KIF26B: variants seen among roughly 807,000 people sequenced by gnomAD.
KIF26B encodes kinesin-like protein KIF26B.
Under a neutral mutation model 151.2 loss-of-function variants are expected in KIF26B, and 63 were observed. The observed-to-expected ratio is 0.42, with a 90% CI of 0.34 to 0.51. The LOEUF (loss-of-function observed/expected upper bound fraction) is 0.51, where lower values mean the gene tolerates loss of function less well. Among genes scored for constraint, KIF26B ranks in the 20% least tolerant of loss-of-function variants. The probability of loss-of-function intolerance (pLI) is 0.07; values close to 1 mark genes in which losing one functional copy is unlikely to be tolerated. For missense variants in KIF26B, 2,813 were observed against 2,913.6 expected, an observed-to-expected ratio of 0.97 and a Z score of 0.79; for synonymous variants, 1,357 against 1,262.1, an observed-to-expected ratio of 1.08 and a Z score of -1.59.
At chr1:245,320,651 T>A (rs1346599764) in intron 2 of KIF26B, among the ~76,000 whole-genome samples, 1 of 151,994 alleles carries the variant, frequency 6.6e-6, no homozygotes, top group Non-Finnish European at 1.5e-5. Flanking sequence ...CTAACTGGTT[T>A]TTTTTGTTGT....
At chr1:245,532,393 C>G (rs1298370842) in intron 4 of KIF26B, among the ~76,000 whole-genome samples, 3 of 151,566 alleles carry the variant, frequency 2.0e-5, no homozygotes, top group Admixed American at 6.6e-5. Context: ...CTACAGGCGC[C>G]CGCCACCATG....
chr1:245,623,436 C>G (rs2043687202), intron 9 of KIF26B, among the ~76,000 whole-genome samples: 1 of 152,132 alleles, frequency 6.6e-6, no homozygotes, highest in Non-Finnish European at 1.5e-5. Context: ...ATTTATATTT[C>G]TGCATAATAG....
chr1:245,540,752 C>G lies in KIF26B; in HGVS notation c.1167-15C>G, dbSNP rs746584406. On this transcript the variant is annotated splice_polypyrimidine_tract_variant and intron_variant, in intron 4 of 14. Transcript: ENST00000407071. This position sits in a 1 kb window ranked among gnomAD's most constrained non-coding sequence, Gnocchi z 4.6. ...TACAATCATTTTCCCCTTATTGTTC[C>G]TTTTTCCACTCCAGAGCTGCCCAGA... The G allele has an allele frequency of 6.2e-7, 1 of 1,611,638 alleles. No individual in the cohort carries two copies. The highest frequency in any genetic ancestry group is 1.7e-5 in the Admixed American group (1 of 60,012).
chr1:245,405,837 T>G (rs1674123269), intron 3 of KIF26B, among the ~76,000 whole-genome samples: 1 of 152,162 alleles, frequency 6.6e-6, no homozygotes, highest in Non-Finnish European at 1.5e-5. Flanking sequence ...TTTCTGCAGT[T>G]GGCAAACAGA....
chr1:245,390,925 A>AC (rs1673671345), intron 3 of KIF26B, among the ~76,000 whole-genome samples: 1 of 108,550 alleles, frequency 9.2e-6, no homozygotes, highest in African/African-American at 3.1e-5. Context: ...CTGTCTCAAA[A>AC]AAAAAAAAAA....
intron 2 of KIF26B, among the ~76,000 whole-genome samples, chr1:245,344,948 C>T (rs1345142336): frequency 6.6e-6 from 1 of 152,040 alleles, no homozygotes; most frequent in African/African-American, 2.4e-5. Flanking sequence ...ATTCTATACC[C>T]CACCCGATGC....
rs768512086 is a variant in KIF26B at position 245,702,578 on chromosome 1, G to A, written c.6299G>A (p.Cys2100Tyr). The A allele has an allele frequency of 6.2e-7, 1 of 1,613,970 alleles. No individual in the cohort carries two copies. Among genetic ancestry groups the A allele is most frequent in the Non-Finnish European group, 8.5e-7 (1 of 1,179,886 alleles). ...AAGGCCCATCTCATGATGATCACCT[G>A]CTTCGACATCACCTCCAGGCGCCGG... ...FCKAHLMMIT[C>Y]FDITSRRR is the part of the protein sequence containing the mutation. Residue 2100 changes from cysteine to tyrosine, a missense_variant, in exon 15 of 15, where the codon TGC (cysteine) becomes TAC (tyrosine). Transcript: ENST00000407071. The surrounding 1 kb of genome is among the most constrained non-coding windows in gnomAD (Gnocchi z 4.1).
intron 2 of KIF26B, among the ~76,000 whole-genome samples, chr1:245,279,165 G>A (rs920840369): frequency 6.6e-6 from 1 of 152,128 alleles, no homozygotes; most frequent in Admixed American, 6.5e-5. Flanking sequence ...TAGTTTTGGA[G>A]CCATATGTGT....
In KIF26B at chr1:245,631,714, C is replaced by T. The variant is rs1480137270; in HGVS notation, c.2099-14407C>T. On this transcript the variant is annotated intron_variant, in intron 9 of 14. Coordinates refer to ENST00000407071, the MANE Select transcript of KIF26B (RefSeq NM_018012.4). ...TCTACTGAACTTTTAAAGTCCTGGG[C>T]TTTTCTTTGTTGGGGAACTTTTTAT... Among the ~76,000 whole-genome samples, 4 of 152,070 alleles carry T rather than the reference C, an allele frequency of 2.6e-5. No homozygotes were observed. The East Asian group carries it at 5.8e-4, about 22-fold the overall frequency.
At chr1:245,661,307 T>G (rs2044135040) in intron 10 of KIF26B, among the ~76,000 whole-genome samples, 1 of 150,268 alleles carries the variant, frequency 6.7e-6, no homozygotes, top group African/African-American at 2.5e-5. Context: ...TATTTTGTGA[T>G]CCGTGGGTTA....
chr1:245,648,429 G>T (rs2043977059), intron 10 of KIF26B, among the ~76,000 whole-genome samples: 1 of 152,042 alleles, frequency 6.6e-6, no homozygotes, highest in Non-Finnish European at 1.5e-5. Context: ...CGGGAGGATT[G>T]CTTGAGACCA....
In KIF26B at chr1:245,244,352, C is replaced by T. The variant is rs1670273719; in HGVS notation, c.465+87669C>T. Among the ~76,000 whole-genome samples the T allele has an allele frequency of 6.6e-6, 1 of 152,100 alleles. No homozygotes were observed. The highest frequency in any genetic ancestry group is 2.1e-4 in the South Asian group (1 of 4,826). Reference sequence around the variant, plus strand: ...AAGACAATCCAAGATACGTCAGAGTCTCTTCTTGGGAAATATGGAATGACG... The same window carrying T: ...AAGACAATCCAAGATACGTCAGAGTTTCTTCTTGGGAAATATGGAATGACG... On this transcript the variant is annotated intron_variant, in intron 2 of 14. Transcript: ENST00000407071. The surrounding 1 kb of genome is among the most constrained non-coding windows in gnomAD (Gnocchi z 4.2).
At chr1:245,456,650 T>A (rs924811439) in intron 4 of KIF26B, among the ~76,000 whole-genome samples, 2 of 152,212 alleles carry the variant, frequency 1.3e-5, no homozygotes, top group Non-Finnish European at 2.9e-5. Flanking sequence ...ATATTTGGGT[T>A]TTTCTTAGTG....
intron 2 of KIF26B, among the ~76,000 whole-genome samples, chr1:245,213,717 G>A (rs749003421): frequency 6.6e-6 from 1 of 152,202 alleles, no homozygotes; most frequent in African/African-American, 2.4e-5. Flanking sequence ...ATGCACACGT[G>A]ACCGTGTGCC....
At chr1:245,235,104 C>T (rs910148530) in intron 2 of KIF26B, among the ~76,000 whole-genome samples, 28 of 152,248 alleles carry the variant, frequency 1.8e-4, no homozygotes, top group African/African-American at 6.7e-4. Context: ...TGTGGAGGGG[C>T]TCCGCTTCCC....
At position 245,512,571 on chromosome 1, in the gene KIF26B, C is replaced by T. The variant is rs756826175; in HGVS notation, c.1167-28196C>T. On this transcript the variant is annotated intron_variant, in intron 4 of 14. Transcript: ENST00000407071. The surrounding 1 kb of genome is among the most constrained non-coding windows in gnomAD (Gnocchi z 4.3). ...ATCAAGGGCTGTAGCACTGGGCACC[C>T]GAGGGGATCAGCCTAAACCCAAATG... 1.3e-4 allele frequency among the ~76,000 whole-genome samples: 20 copies of T among 152,122 alleles called. No individual in the cohort carries two copies. The highest frequency in any genetic ancestry group is 2.2e-4 in the African/African-American group (9 of 41,416).
At position 245,540,720 on chromosome 1, in the gene KIF26B, C is replaced by G. The variant is rs367791746; in HGVS notation, c.1167-47C>G. 27 of 1,526,166 alleles carry G rather than the reference C, an allele frequency of 1.8e-5. No individual in the cohort carries two copies. In the African/African-American group the frequency reaches 3.3e-4, roughly 19 times the overall value. The allele number at this position is 1,526,166 out of a possible 1,614,324, so 94.5% of individuals were successfully genotyped here. On this transcript the variant is annotated intron_variant, in intron 4 of 14. Coordinates refer to ENST00000407071, the MANE Select transcript of KIF26B (RefSeq NM_018012.4). The surrounding 1 kb of genome is among the most constrained non-coding windows in gnomAD (Gnocchi z 4.6). ...AGAAAACGAAGTAAGCCTAGCAGAT[C>G]TGATCGTACAATCATTTTCCCCTTA...
At chr1:245,330,939 C>T (rs910588110) in intron 2 of KIF26B, among the ~76,000 whole-genome samples, 3 of 151,904 alleles carry the variant, frequency 2.0e-5, no homozygotes, top group African/African-American at 7.2e-5. Flanking sequence ...GGGAAGTCCC[C>T]GCAGAGAGAG....
At chr1:245,406,934 C>T (rs146827481) in intron 3 of KIF26B, among the ~76,000 whole-genome samples, 2,315 of 151,976 alleles carry the variant, frequency 0.015, 61 homozygotes, top group African/African-American at 0.051. Context: ...ACTACAGGTG[C>T]GCACCACCAC....
Sources: gnomAD v4.1 joint callset for allele counts (sites outside exome capture counted in the v4.1 genomes callset) on GRCh38, gnomAD v4.1.1 for gene constraint, Gnocchi (gnomAD v3.1) non-coding constraint, MANE v1.5 for transcripts, NCBI Gene and HGNC (gene_info 2026-07-23, HGNC 2026-07-21) for gene names.